ARFIP1: variants seen among roughly 807,000 people sequenced by gnomAD.
The protein encoded by ARFIP1 is arfaptin-1.
Under a neutral mutation model 42.5 loss-of-function variants are expected in ARFIP1, and 24 were observed. That is an observed-to-expected ratio of 0.57 (90% confidence interval 0.41 to 0.80). The LOEUF is 0.80. ARFIP1 is among the 30% of genes least tolerant of loss of function. ARFIP1 has a pLI of 0.00. For synonymous variants in ARFIP1, 141 were observed against 153.7 expected, an observed-to-expected ratio of 0.92 and a Z score of 0.61; for missense variants, 354 against 434.0, an observed-to-expected ratio of 0.82 and a Z score of 1.64.
chr4:152,801,088 C>T (rs988376783), intron 1 of ARFIP1, among the ~76,000 whole-genome samples: 1 of 152,042 alleles, frequency 6.6e-6, no homozygotes, highest in African/African-American at 2.4e-5. Context: ...GCTGAGGAGT[C>T]GGCTTTTACA....
chr4:152,793,777 G>A (rs546451144), intron 1 of ARFIP1, among the ~76,000 whole-genome samples: 1 of 152,092 alleles, frequency 6.6e-6, no homozygotes, highest in Admixed American at 6.5e-5. Context: ...ATAAGGTGGG[G>A]GACCTACTAT....
chr4:152,871,922 A>T (rs925106782), intron 4 of ARFIP1, among the ~76,000 whole-genome samples: 5 of 151,982 alleles, frequency 3.3e-5, no homozygotes, highest in African/African-American at 1.2e-4. Context: ...CATACTAGTG[A>T]TAGCATATCT....
chr4:152,891,985 G>A (rs1424172427), intron 8 of ARFIP1, among the ~76,000 whole-genome samples: 2 of 152,234 alleles, frequency 1.3e-5, no homozygotes, highest in East Asian at 3.9e-4. Context: ...TGGGATTACA[G>A]GCATGAGCCA....
chr4:152,804,521 G>T (rs1728856534), intron 1 of ARFIP1, among the ~76,000 whole-genome samples: 4 of 126,756 alleles, frequency 3.2e-5, no homozygotes, highest in Non-Finnish European at 3.2e-5. Context: ...ATATATAGTT[G>T]GGAGGGCCTG....
intron 3 of ARFIP1, among the ~76,000 whole-genome samples, chr4:152,866,500 A>AC (rs1186110201): frequency 2.9e-4 from 40 of 139,364 alleles, no homozygotes; most frequent in East Asian, 6.8e-4. Context: ...GCGGGGGCTG[A>AC]CCCCCCCACC....
In ARFIP1 at chr4:152,888,266, A is replaced by G. The variant is rs148176122; in HGVS notation, c.925A>G (p.Asn309Asp). Residue 309 changes from asparagine (N) to aspartate (D), a missense_variant, in exon 8 of 9, where the codon AAT becomes GAT. By Grantham distance (23) the Asn-to-Asp change is conservative. Transcript: ENST00000353617. The part of the protein sequence containing the change: ...AHKEKYDKMR[N>D]DVSVKLKFLE... The stretch of plus-strand genomic sequence containing the variant: ...TAAGGAAAAATATGATAAAATGCGC[A>G]ATGATGTTTCTGTCAAATTGAAATT... The G allele has an allele frequency of 1.2e-6, 2 of 1,609,186 alleles. No individual in the cohort carries two copies. The highest frequency in any genetic ancestry group is 2.7e-5 in the African/African-American group (2 of 74,734).
chr4:152,860,662 G>A (rs1733816624), intron 2 of ARFIP1, among the ~76,000 whole-genome samples: 1 of 152,134 alleles, frequency 6.6e-6, no homozygotes, highest in South Asian at 2.1e-4. Context: ...CCAGGTTTGA[G>A]AACTACAGGA....
intron 2 of ARFIP1, among the ~76,000 whole-genome samples, chr4:152,862,159 T>C (rs1038171983): frequency 1.3e-5 from 2 of 152,294 alleles, no homozygotes; most frequent in African/African-American, 4.8e-5. Context: ...CCCAATAATA[T>C]GATAATGACT....
intron 1 of ARFIP1, among the ~76,000 whole-genome samples, chr4:152,804,157 T>A (rs28678658): frequency 1.3e-3 from 140 of 111,308 alleles, no homozygotes; most frequent in African/African-American, 3.5e-3. Flanking sequence ...TATTATATAT[T>A]ATATATAATA....
At chr4:152,882,379 G>T (rs2149892850) in intron 6 of ARFIP1, among the ~76,000 whole-genome samples, 1 of 152,248 alleles carries the variant, frequency 6.6e-6, no homozygotes, top group South Asian at 2.1e-4. Flanking sequence ...TAGTTTCTCT[G>T]ATTAATAATC....
At chr4:152,858,976 G>T (rs566619901) in intron 2 of ARFIP1, among the ~76,000 whole-genome samples, 2 of 152,078 alleles carry the variant, frequency 1.3e-5, no homozygotes, top group African/African-American at 4.8e-5. Context: ...GAAATCTAAC[G>T]TTTTGAGAGA....
chr4:152,790,964 C>A (rs76945119), intron 1 of ARFIP1, among the ~76,000 whole-genome samples: 2 of 151,702 alleles, frequency 1.3e-5, no homozygotes, highest in African/African-American at 4.8e-5. Context: ...TCTTGAACTC[C>A]TGGGCTTAAG....
intron 3 of ARFIP1, among the ~76,000 whole-genome samples, chr4:152,869,209 A>G (rs111834708): frequency 1.2e-3 from 187 of 152,188 alleles, no homozygotes; most frequent in African/African-American, 4.3e-3. Context: ...ACTAATAGTA[A>G]AGAAAGTAGA....
intron 1 of ARFIP1, among the ~76,000 whole-genome samples, chr4:152,788,721 A>G (rs1382581597): frequency 1.3e-5 from 2 of 151,760 alleles, no homozygotes; most frequent in Non-Finnish European, 2.9e-5. Flanking sequence ...AGCATAGTAC[A>G]TTTGTCACAA....
At chr4:152,815,565 C>G (rs959463635) in intron 1 of ARFIP1, among the ~76,000 whole-genome samples, 3 of 152,016 alleles carry the variant, frequency 2.0e-5, no homozygotes, top group Admixed American at 2.0e-4. Flanking sequence ...TTGATATTTC[C>G]CTTACATTGT....
At chr4:152,832,411 G>A (rs1354750428) in intron 2 of ARFIP1, among the ~76,000 whole-genome samples, 1 of 152,034 alleles carries the variant, frequency 6.6e-6, no homozygotes, top group Non-Finnish European at 1.5e-5. Context: ...CCTTTTGCCC[G>A]TTTTTCTACT....
chr4:152,794,981 A>G (rs1319514206), intron 1 of ARFIP1, among the ~76,000 whole-genome samples: 1 of 152,070 alleles, frequency 6.6e-6, no homozygotes, highest in South Asian at 2.1e-4. Flanking sequence ...AGCATGTGGA[A>G]ATTACTATGG....
At chr4:152,863,156 C>T (rs1194346679) in intron 2 of ARFIP1, among the ~76,000 whole-genome samples, 1 of 152,096 alleles carries the variant, frequency 6.6e-6, no homozygotes, top group South Asian at 2.1e-4. Flanking sequence ...GAGAAGCCCT[C>T]TTGAAATGGA....
intron 3 of ARFIP1, among the ~76,000 whole-genome samples, chr4:152,867,154 G>A (rs1734465664): frequency 6.6e-6 from 1 of 151,938 alleles, no homozygotes; most frequent in African/African-American, 2.4e-5. Flanking sequence ...CAGCTGGGAG[G>A]TGGAGGTTGT....
Sources: gnomAD v4.1 joint callset for allele counts (sites outside exome capture counted in the v4.1 genomes callset) on GRCh38, gnomAD v4.1.1 for gene constraint, MANE v1.5 for transcripts, NCBI Gene and HGNC (gene_info 2026-07-23, HGNC 2026-07-21) for gene names.